SGMS1: variants seen among roughly 807,000 people sequenced by gnomAD.
SGMS1 encodes sphingomyelin synthase 1.
SGMS1 carries 13 observed loss-of-function variants against 46.2 expected under a neutral mutation model. The observed-to-expected ratio is 0.28, with a 90% CI of 0.18 to 0.45. The LOEUF (loss-of-function observed/expected upper bound fraction) is 0.45. Ranked by LOEUF, SGMS1 falls within the 20% of genes least tolerant of loss-of-function variation. SGMS1 has a pLI of 1.00. For missense variants in SGMS1, 324 were observed against 519.9 expected, an observed-to-expected ratio of 0.62 and a Z score of 3.66; for synonymous variants, 203 against 187.8, an observed-to-expected ratio of 1.08 and a Z score of -0.66.
chr10:50,382,615 CA>C (rs797022089), intron 6 of SGMS1, among the ~76,000 whole-genome samples: 19 of 136,272 alleles, frequency 1.4e-4, no homozygotes, highest in South Asian at 7.0e-4. Flanking sequence ...CCATTCTGAC[CA>C]AAAAAAAAAC....
rs1220612506 is a variant in SGMS1, at chr10:50,453,891, G to A, written c.-313+6782C>T. ...GAAGGAAGGAAGGAAGGGAGAAAGGGAGAAAAAGAGGGAGGGAAAAGTTGG... is the reference window on the plus strand; with the variant it reads ...GAAGGAAGGAAGGAAGGGAGAAAGGAAGAAAAAGAGGGAGGGAAAAGTTGG... On this transcript the variant is annotated intron_variant, in intron 5 of 10. Transcript: ENST00000361781. Among the ~76,000 whole-genome samples, 3 of 146,526 alleles carry A rather than the reference G, an allele frequency of 2.0e-5. No individual in the cohort carries two copies. The East Asian group carries it at 6.1e-4, about 30-fold the overall frequency.
intron 6 of SGMS1, among the ~76,000 whole-genome samples, chr10:50,370,114 T>C (rs561819439): frequency 6.6e-6 from 1 of 152,294 alleles, no homozygotes; most frequent in African/African-American, 2.4e-5. Flanking sequence ...TTGCTCTGGG[T>C]GAGTCAGTGA....
At chr10:50,323,681 A>G (rs1847484330) in intron 8 of SGMS1, among the ~76,000 whole-genome samples, 1 of 152,182 alleles carries the variant, frequency 6.6e-6, no homozygotes, top group Non-Finnish European at 1.5e-5. Context: ...AATCCAACTC[A>G]TTAACTCTCA....
intron 6 of SGMS1, among the ~76,000 whole-genome samples, chr10:50,358,615 G>A (rs966172718): frequency 1.9e-4 from 29 of 152,152 alleles, no homozygotes; most frequent in Non-Finnish European, 5.9e-5. Context: ...CTAGAACCTG[G>A]GAGGCAGAGG....
intron 8 of SGMS1, among the ~76,000 whole-genome samples, chr10:50,324,472 A>G (rs1388847538): frequency 1.3e-5 from 2 of 152,128 alleles, no homozygotes; most frequent in Non-Finnish European, 2.9e-5. Context: ...AGCCCTAGGT[A>G]TGATTCTAAA....
rs1022071351 is a variant in SGMS1, at chr10:50,305,639, G to C, written c.*1503C>G. On this transcript the variant is annotated 3_prime_UTR_variant, in exon 11 of 11. Coordinates refer to ENST00000361781, the MANE Select transcript of SGMS1 (RefSeq NM_147156.4). ...CAGTTTTTATTAAAAAGTGCATTTTGATTAATTTATGATCTAGGTAAGCTG... is the reference window on the plus strand; with the variant it reads ...CAGTTTTTATTAAAAAGTGCATTTTCATTAATTTATGATCTAGGTAAGCTG... 4 of 152,668 alleles carry C rather than the reference G, an allele frequency of 2.6e-5. No individual in the cohort carries two copies. In the East Asian group the frequency reaches 7.5e-4, roughly 29 times the overall value. The allele number at this position is 152,668 out of a possible 1,614,324, so 9.5% of individuals were successfully genotyped here. A position where few individuals can be genotyped will look rare whatever the true frequency, so the allele number is the denominator to read the frequency against.
At chr10:50,585,683 T>A (rs1398613541) in intron 2 of SGMS1, among the ~76,000 whole-genome samples, 1 of 152,224 alleles carries the variant, frequency 6.6e-6, no homozygotes, top group Non-Finnish European at 1.5e-5. Context: ...AATCATGGAA[T>A]GGAATTTCAA....
At chr10:50,339,502 CTTTA>C (rs1353216131) in intron 7 of SGMS1, among the ~76,000 whole-genome samples, 1 of 152,222 alleles carries the variant, frequency 6.6e-6, no homozygotes, top group East Asian at 1.9e-4. Context: ...CTTTGCACTG[CTTTA>C]TTTTTCTCCA....
chr10:50,404,105 A>C (rs978836604), intron 6 of SGMS1, among the ~76,000 whole-genome samples: 1 of 152,114 alleles, frequency 6.6e-6, no homozygotes, highest in African/African-American at 2.4e-5. Flanking sequence ...GGGCAAAAGG[A>C]AGGAAAAAGA....
chr10:50,548,743 A>G (rs1369401808), intron 2 of SGMS1, among the ~76,000 whole-genome samples: 2 of 152,228 alleles, frequency 1.3e-5, no homozygotes, highest in African/African-American at 4.8e-5. Flanking sequence ...CTACACAGCA[A>G]AAGAAACTAT....
chr10:50,595,160 A>G (rs1367451344), intron 1 of SGMS1, among the ~76,000 whole-genome samples: 1 of 150,354 alleles, frequency 6.7e-6, no homozygotes, highest in Non-Finnish European at 1.5e-5. Context: ...CTTATTAAGC[A>G]CTCTACTGCA....
intron 6 of SGMS1, among the ~76,000 whole-genome samples, chr10:50,420,205 A>G (rs1412135421): frequency 5.9e-5 from 9 of 152,218 alleles, no homozygotes; most frequent in Non-Finnish European, 1.0e-4. Context: ...ATTCCTCATA[A>G]AGGTAATGTT....
intron 2 of SGMS1, among the ~76,000 whole-genome samples, chr10:50,576,741 T>G (rs796626790): frequency 6.3e-4 from 96 of 152,278 alleles, no homozygotes; most frequent in African/African-American, 2.1e-3. Context: ...CGGAGAGCAC[T>G]TTTGATGTCA....
chr10:50,554,579 G>A (rs1283496332), intron 2 of SGMS1, among the ~76,000 whole-genome samples: 1 of 152,216 alleles, frequency 6.6e-6, no homozygotes, highest in Non-Finnish European at 1.5e-5. Flanking sequence ...GCTAGAGGGA[G>A]TATGGCATGC....
chr10:50,402,165 C>T (rs761224119), intron 6 of SGMS1, among the ~76,000 whole-genome samples: 18 of 152,130 alleles, frequency 1.2e-4, no homozygotes, highest in Admixed American at 3.3e-4. Flanking sequence ...TGCATCAGTC[C>T]GCATTGAAAT....
intron 2 of SGMS1, among the ~76,000 whole-genome samples, chr10:50,587,633 A>ATGTG (rs35240090): frequency 0.07 from 9,660 of 137,628 alleles, 494 homozygotes; most frequent in African/African-American, 0.14. Flanking sequence ...CAAAATATAT[A>ATGTG]TGTGTGTGTG....
intron 6 of SGMS1, among the ~76,000 whole-genome samples, chr10:50,375,769 G>A (rs921093385): frequency 1.3e-5 from 2 of 152,208 alleles, no homozygotes; most frequent in Non-Finnish European, 2.9e-5. Context: ...ACATGTGGAA[G>A]TGTACAGACC....
intron 1 of SGMS1, among the ~76,000 whole-genome samples, chr10:50,612,934 C>T (rs1381197273): frequency 6.6e-6 from 1 of 152,200 alleles, no homozygotes. Context: ...ATCTCGAATT[C>T]CTGACCTCAT....
intron 6 of SGMS1, among the ~76,000 whole-genome samples, chr10:50,351,028 C>T (rs971925998): frequency 7.2e-5 from 11 of 152,218 alleles, no homozygotes; most frequent in South Asian, 6.2e-4. Context: ...TGAAATCAGC[C>T]GGGAGGGAGG....
Sources: allele counts gnomAD v4.1 joint callset (sites outside exome capture counted in the v4.1 genomes callset), GRCh38; gene constraint gnomAD v4.1.1; transcripts MANE v1.5; gene names NCBI Gene and HGNC (gene_info 2026-07-23, HGNC 2026-07-21).